The following DCLK1 variants were observed in gnomAD, a reference collection of about 807,000 sequenced individuals.
DCLK1 encodes serine/threonine-protein kinase DCLK1.
In DCLK1, 16 loss-of-function variants were observed where a neutral mutation model predicts 86.2. The observed-to-expected ratio is 0.19, with a 90% CI of 0.13 to 0.28. The LOEUF (loss-of-function observed/expected upper bound fraction) is 0.28. Ranked by LOEUF, DCLK1 falls within the 10% of genes least tolerant of loss-of-function variation. The pLI is 1.00. For missense variants in DCLK1, 590 were observed against 940.2 expected (o/e 0.63, Z 4.87); for synonymous variants, 369 against 370.5 (o/e 1.00, Z 0.05).
At chr13:36,061,493 A>T (rs1348096131) in intron 3 of DCLK1, among the ~76,000 whole-genome samples, 1 of 152,220 alleles carries the variant, frequency 6.6e-6, no homozygotes, top group Non-Finnish European at 1.5e-5. Flanking sequence ...CAAAACATTT[A>T]AAAAGCCTCA....
intron 4 of DCLK1, among the ~76,000 whole-genome samples, chr13:35,879,297 C>T (rs925737903): frequency 6.6e-6 from 1 of 152,170 alleles, no homozygotes; most frequent in South Asian, 2.1e-4. Context: ...GCTCAGTGCT[C>T]CAGATGGCGC....
chr13:36,040,884 T>A (rs941521575), intron 3 of DCLK1, among the ~76,000 whole-genome samples: 3 of 152,188 alleles, frequency 2.0e-5, no homozygotes, highest in Non-Finnish European at 4.4e-5. Flanking sequence ...TGTGAGCATT[T>A]TAAATCGGTT....
chr13:35,921,074 T>C (rs1294385322), intron 4 of DCLK1, among the ~76,000 whole-genome samples: 1 of 152,152 alleles, frequency 6.6e-6, no homozygotes, highest in African/African-American at 2.4e-5. Context: ...CCTGGGTCCC[T>C]CCAATCCATT....
chr13:35,938,021 G>A (rs1171086), intron 4 of DCLK1, among the ~76,000 whole-genome samples: 57,678 of 151,950 alleles, frequency 0.38, 13,156 homozygotes, highest in African/African-American at 0.64. Flanking sequence ...GAACACTGAC[G>A]AGGCAAGGTC....
In DCLK1 at chr13:36,126,042, G is replaced by C. The variant is rs200714460; in HGVS notation, c.96C>G (p.Ser32Arg). The change falls in exon 2 of 17, where the codon AGC (serine) becomes AGG (arginine). Residue 32 changes from serine to arginine, a missense_variant. This residue lies in a region of DCLK1 where 50 missense variants were observed against 47.8 expected (regional missense o/e 1.05). Coordinates refer to ENST00000360631, the MANE Select transcript of DCLK1 (RefSeq NM_001330071.2). ...AGCTGCAGTGGGCGCTGTGCGTCGGGCTCGGCAGGCCGTTCACCCGCGACC... is the reference window on the plus strand; with the variant it reads ...AGCTGCAGTGGGCGCTGTGCGTCGGCCTCGGCAGGCCGTTCACCCGCGACC... ...SRGSRVNGLP[S>R]PTHSAHCSFY... is the part of the protein sequence containing the mutation. 2.5e-6 allele frequency: 4 copies of C among 1,613,630 alleles called. No homozygotes were observed. Among genetic ancestry groups the C allele is most frequent in the Non-Finnish European group, 3.4e-6 (4 of 1,179,998 alleles).
At chr13:36,124,456 C>G (rs978686384) in intron 2 of DCLK1, among the ~76,000 whole-genome samples, 8 of 152,194 alleles carry the variant, frequency 5.3e-5, no homozygotes, top group African/African-American at 1.9e-4. Flanking sequence ...GCTCTCAAGG[C>G]CAGTCACACT....
At chr13:35,928,503 C>G (rs1445387230) in intron 4 of DCLK1, among the ~76,000 whole-genome samples, 1 of 152,166 alleles carries the variant, frequency 6.6e-6, no homozygotes, top group Non-Finnish European at 1.5e-5. Context: ...CCCACACCAC[C>G]CACTCTCCAT....
At chr13:36,000,767 T>C (rs1323181671) in intron 3 of DCLK1, among the ~76,000 whole-genome samples, 2 of 152,166 alleles carry the variant, frequency 1.3e-5, no homozygotes, top group African/African-American at 2.4e-5. Context: ...TATGTTCCAA[T>C]GTATAAATGC....
intron 3 of DCLK1, among the ~76,000 whole-genome samples, chr13:36,002,302 A>C (rs1400296237): frequency 6.6e-6 from 1 of 152,208 alleles, no homozygotes; most frequent in Admixed American, 6.5e-5. Flanking sequence ...GTTTCAATTT[A>C]GTGTCATCCA....
chr13:35,845,471 C>A (rs1436881181), intron 6 of DCLK1, among the ~76,000 whole-genome samples: 1 of 152,160 alleles, frequency 6.6e-6, no homozygotes, highest in Non-Finnish European at 1.5e-5. Flanking sequence ...CAGACATGCT[C>A]ACATACACAT....
chr13:35,962,487 C>G (rs1322309441), intron 3 of DCLK1, among the ~76,000 whole-genome samples: 1 of 152,148 alleles, frequency 6.6e-6, no homozygotes, highest in Non-Finnish European at 1.5e-5. Context: ...AGAAACCAAC[C>G]CTGCTGATAC....
chr13:35,913,480 G>T (rs893334900), intron 4 of DCLK1, among the ~76,000 whole-genome samples: 1 of 152,042 alleles, frequency 6.6e-6, no homozygotes, highest in African/African-American at 2.4e-5. Context: ...TTATGCCTTT[G>T]GTAAAGAATT....
Position 35,827,770 on chromosome 13 carries a change from G to A in DCLK1, c.1288-16C>T. On this transcript the variant is annotated splice_polypyrimidine_tract_variant and intron_variant, in intron 9 of 16. Transcript: ENST00000360631. ...TCATGTGCTCCTGTCCAAAGGAAAA[G>A]TTATCTTCATCAGCTTCCATAAAAC... 3 of 1,612,942 alleles carry A rather than the reference G, an allele frequency of 1.9e-6. No individual in the cohort carries two copies. The highest frequency in any genetic ancestry group is 1.7e-6 in the Non-Finnish European group (2 of 1,179,892).
chr13:36,039,912 T>C (rs904950880), intron 3 of DCLK1, among the ~76,000 whole-genome samples: 8 of 152,086 alleles, frequency 5.3e-5, no homozygotes, highest in African/African-American at 1.9e-4. Context: ...ACAACTTTTC[T>C]TTTTAAATTT....
intron 15 of DCLK1, 62 bp from the exon 16 acceptor site, chr13:35,793,541 G>A (rs368749570): frequency 1.4e-4 from 193 of 1,334,550 alleles, no homozygotes; most frequent in African/African-American, 2.1e-4. Flanking sequence ...GAAAAATGAA[G>A]GCTAAATCTT....
intron 3 of DCLK1, among the ~76,000 whole-genome samples, chr13:36,055,155 G>A (rs553547915): frequency 3.1e-4 from 47 of 152,226 alleles, no homozygotes; most frequent in East Asian, 5.8e-4. Flanking sequence ...AAGAACAGCC[G>A]TTCCCAGAAA....
intron 3 of DCLK1, among the ~76,000 whole-genome samples, chr13:36,081,756 G>T (rs1884428945): frequency 6.6e-6 from 1 of 152,100 alleles, no homozygotes; most frequent in Non-Finnish European, 1.5e-5. Context: ...AACTTCTTCT[G>T]GGAAAAATAA....
chr13:36,075,363 G>T (rs1034375473), intron 3 of DCLK1, among the ~76,000 whole-genome samples: 4 of 152,132 alleles, frequency 2.6e-5, no homozygotes, highest in African/African-American at 9.7e-5. Flanking sequence ...CACGCAGGGG[G>T]TAATAGAAGC....
At chr13:36,118,930 G>C (rs1394281157) in intron 2 of DCLK1, among the ~76,000 whole-genome samples, 5 of 152,098 alleles carry the variant, frequency 3.3e-5, no homozygotes, top group African/African-American at 9.7e-5. Flanking sequence ...GCAATTTTTG[G>C]AGGCCTCTTT....
Sources: allele counts gnomAD v4.1 joint callset (sites outside exome capture counted in the v4.1 genomes callset), GRCh38; gene constraint gnomAD v4.1.1; regional missense constraint gnomAD v4.1.1; transcripts MANE v1.5; gene names NCBI Gene and HGNC (gene_info 2026-07-23, HGNC 2026-07-21).